Variants in CNTNAP5 observed in about 807,000 individuals in gnomAD.
The protein encoded by CNTNAP5 is contactin-associated protein-like 5.
CNTNAP5 carries 72 observed loss-of-function variants against 150.2 expected under a neutral mutation model. The observed-to-expected ratio is 0.48, with a 90% CI of 0.40 to 0.58. The LOEUF (loss-of-function observed/expected upper bound fraction) is 0.58. Among genes scored for constraint, CNTNAP5 ranks in the 20% least tolerant of loss-of-function variants. The pLI is 0.00. For missense variants in CNTNAP5, 1,636 were observed against 1,626.2 expected (o/e 1.01, Z -0.10); for synonymous variants, 672 against 619.8 (o/e 1.08, Z -1.25).
intron 6 of CNTNAP5, among the ~76,000 whole-genome samples, chr2:124,449,349 A>G (rs6541952): frequency 0.98 from 148,949 of 152,174 alleles, 72,994 homozygotes; most frequent in East Asian, 1. Flanking sequence ...TTATAAACTC[A>G]AAGACAACAA....
At chr2:124,543,246 G>C (rs1414609973) in intron 10 of CNTNAP5, among the ~76,000 whole-genome samples, 1 of 152,086 alleles carries the variant, frequency 6.6e-6, no homozygotes, top group Non-Finnish European at 1.5e-5. Flanking sequence ...GAGCAATGTA[G>C]TCTATAAATA....
intron 6 of CNTNAP5, among the ~76,000 whole-genome samples, chr2:124,463,912 C>G (rs77452399): frequency 6.6e-6 from 1 of 152,032 alleles, no homozygotes; most frequent in African/African-American, 2.4e-5. Flanking sequence ...CTCAGTCAAG[C>G]TGCTAAACCT....
chr2:124,665,847 C>T (rs939360682), intron 13 of CNTNAP5, among the ~76,000 whole-genome samples: 5 of 150,716 alleles, frequency 3.3e-5, no homozygotes, highest in Non-Finnish European at 7.4e-5. Flanking sequence ...GATCAAGCCA[C>T]TGCACTCCGG....
intron 3 of CNTNAP5, among the ~76,000 whole-genome samples, chr2:124,294,573 C>A (rs780712331): frequency 1.3e-5 from 2 of 152,222 alleles, no homozygotes; most frequent in African/African-American, 4.8e-5. Context: ...GGAGGAAGGC[C>A]AGTACCTGAA....
intron 17 of CNTNAP5, among the ~76,000 whole-genome samples, chr2:124,781,767 C>G (rs1419398297): frequency 6.6e-6 from 1 of 152,152 alleles, no homozygotes; most frequent in African/African-American, 2.4e-5. Context: ...AGTCAGGTGC[C>G]CTTTTGCTCC....
chr2:124,725,332 A>G (rs2105120849), intron 13 of CNTNAP5, among the ~76,000 whole-genome samples: 1 of 152,210 alleles, frequency 6.6e-6, no homozygotes, highest in African/African-American at 2.4e-5. Context: ...AAAATTGTAT[A>G]TATATGGTAT....
chr2:124,772,659 G>A (rs1681229432), intron 16 of CNTNAP5, 140 bp from the exon 17 acceptor site: 5 of 647,930 alleles, frequency 7.7e-6, no homozygotes, highest in Non-Finnish European at 1.4e-5. Context: ...ACTATTAATG[G>A]TGATTTCAGT....
intron 7 of CNTNAP5, among the ~76,000 whole-genome samples, chr2:124,499,026 G>C (rs1051052190): frequency 1.3e-5 from 2 of 152,132 alleles, no homozygotes; most frequent in African/African-American, 4.8e-5. Flanking sequence ...TCTGGGAAAA[G>C]GGAGAAACAA....
intron 1 of CNTNAP5, among the ~76,000 whole-genome samples, chr2:124,065,850 G>A (rs1005847893): frequency 2.6e-5 from 4 of 152,154 alleles, no homozygotes; most frequent in Non-Finnish European, 4.4e-5. Flanking sequence ...TTAGTTCACA[G>A]TATTGATACT....
intron 1 of CNTNAP5, among the ~76,000 whole-genome samples, chr2:124,038,695 T>C (rs977052698): frequency 1.3e-5 from 2 of 152,176 alleles, no homozygotes; most frequent in Non-Finnish European, 2.9e-5. Context: ...TTGAAGAAAA[T>C]AGAATGAAGG....
At chr2:124,221,895 T>G in intron 2 of CNTNAP5, 86 bp downstream of exon 2, 1 of 813,676 alleles carries the variant, frequency 1.2e-6, no homozygotes. Context: ...TCTCAGACAC[T>G]GAAATCATGT....
chr2:124,217,809 G>A (rs934429418), intron 1 of CNTNAP5, among the ~76,000 whole-genome samples: 3 of 152,024 alleles, frequency 2.0e-5, no homozygotes, highest in Non-Finnish European at 4.4e-5. Context: ...TACTTAAAAG[G>A]GGACATTTTC....
At chr2:124,770,961 G>T (rs774154204) in intron 16 of CNTNAP5, among the ~76,000 whole-genome samples, 6 of 152,158 alleles carry the variant, frequency 3.9e-5, no homozygotes, top group Admixed American at 2.0e-4. Context: ...GATCACAGTA[G>T]CTGCAGAGTC....
intron 13 of CNTNAP5, among the ~76,000 whole-genome samples, chr2:124,660,893 A>G (rs991347263): frequency 6.6e-6 from 1 of 150,844 alleles, no homozygotes; most frequent in Non-Finnish European, 1.5e-5. Context: ...GCAGTGAGCC[A>G]AGATTTTGCC....
chr2:124,614,805 T>A (rs2104989470), intron 12 of CNTNAP5, among the ~76,000 whole-genome samples: 1 of 152,222 alleles, frequency 6.6e-6, no homozygotes, highest in Admixed American at 6.5e-5. Flanking sequence ...TCCTATCACA[T>A]CCTGTGACTA....
rs903970179 is a variant in CNTNAP5, at chr2:124,917,617, C to T, written c.*3329C>T. Among the ~76,000 whole-genome samples the T allele has an allele frequency of 1.3e-5, 2 of 152,082 alleles. No individual in the cohort carries two copies. The highest frequency in any genetic ancestry group is 2.9e-5 in the Non-Finnish European group (2 of 67,996). ...AGAGATGGTATTAACTTGACTTCTA[C>T]CTTTTGTCAGACTCATCTCCACCAA... is the stretch of plus-strand genomic sequence containing the variant. On this transcript the variant is annotated 3_prime_UTR_variant, in exon 24 of 24. Coordinates refer to ENST00000682447, the MANE Select transcript of CNTNAP5 (RefSeq NM_001367498.1).
chr2:124,461,934 A>G (rs1693266155), intron 6 of CNTNAP5, among the ~76,000 whole-genome samples: 1 of 151,624 alleles, frequency 6.6e-6, no homozygotes, highest in South Asian at 2.1e-4. Flanking sequence ...AGATTAAAAT[A>G]TTTGTCTCAG....
intron 18 of CNTNAP5, among the ~76,000 whole-genome samples, chr2:124,795,889 T>TTAGCATA (rs1258447889): frequency 6.6e-6 from 1 of 151,958 alleles, no homozygotes; most frequent in Non-Finnish European, 1.5e-5. Flanking sequence ...TTCCACCAAG[T>TTAGCATA]GGATGCTCAA....
intron 17 of CNTNAP5, among the ~76,000 whole-genome samples, chr2:124,781,264 G>A (rs1558772927): frequency 6.6e-6 from 1 of 152,166 alleles, no homozygotes; most frequent in Non-Finnish European, 1.5e-5. Context: ...AGGTGAGCTG[G>A]ATTTTCTAGT....
Sources: allele counts gnomAD v4.1 joint callset (sites outside exome capture counted in the v4.1 genomes callset), GRCh38; gene constraint gnomAD v4.1.1; transcripts MANE v1.5; gene names NCBI Gene and HGNC (gene_info 2026-07-23, HGNC 2026-07-21).